Variants in TEAD1 observed in about 807,000 individuals in gnomAD.
TEAD1 encodes TEA domain transcription factor 1, also known as transcriptional enhancer factor TEF-1.
TEAD1 carries 9 observed loss-of-function variants against 54.9 expected under a neutral mutation model. The ratio of observed to expected loss-of-function variants is 0.16; its 90% CI spans 0.10 to 0.29. The LOEUF is 0.29. Ranked by LOEUF, TEAD1 falls within the 10% of genes least tolerant of loss-of-function variation. The probability of loss-of-function intolerance (pLI) is 1.00; values close to 1 mark genes in which losing one functional copy is unlikely to be tolerated. For missense variants in TEAD1, 387 were observed against 535.9 expected (o/e 0.72, Z 2.74); for synonymous variants, 200 against 187.8 (o/e 1.07, Z -0.53).
At chr11:12,771,145 G>A (rs11022497) in intron 3 of TEAD1, among the ~76,000 whole-genome samples, 13,079 of 152,280 alleles carry the variant, frequency 0.086, 746 homozygotes, top group South Asian at 0.19. Flanking sequence ...AAGGCATGGA[G>A]GCCTGGAAGG....
chr11:12,692,531 G>T (rs866754155), intron 2 of TEAD1, among the ~76,000 whole-genome samples: 1 of 151,786 alleles, frequency 6.6e-6, no homozygotes, highest in Non-Finnish European at 1.5e-5. Context: ...TTTTAAAGCC[G>T]CAAGCTTAAT....
chr11:12,762,693 C>G (rs778168898), intron 2 of TEAD1, among the ~76,000 whole-genome samples: 2 of 152,094 alleles, frequency 1.3e-5, no homozygotes, highest in Non-Finnish European at 2.9e-5. Flanking sequence ...AAAGTGCCCA[C>G]TAGTTATAGT....
chr11:12,860,899 A>G (rs1229562133), intron 3 of TEAD1, among the ~76,000 whole-genome samples: 1 of 152,230 alleles, frequency 6.6e-6, no homozygotes, highest in East Asian at 1.9e-4. Context: ...TCCCCAAGGG[A>G]GTGACATCCA....
Position 12,904,207 on chromosome 11 carries a change from A to G in TEAD1, c.873+2094A>G, listed in dbSNP as rs145081830. On this transcript the variant is annotated intron_variant, in intron 10 of 12. Transcript: ENST00000527636. ...CTGCTAAAATTCATGCAGTTGAAAA[A>G]AAAAGTCCTTCATGAATTTTATTAC... Among the ~76,000 whole-genome samples, 919 of 152,322 alleles carry G rather than the reference A, an allele frequency of 6.0e-3. 7 individuals are homozygous for G. The highest frequency in any genetic ancestry group is 8.4e-3 in the Non-Finnish European group (570 of 68,034).
intron 9 of TEAD1, among the ~76,000 whole-genome samples, chr11:12,895,708 G>A (rs1948302771): frequency 6.6e-6 from 1 of 152,194 alleles, no homozygotes; most frequent in South Asian, 2.1e-4. Context: ...GTGGCCCATA[G>A]GAAAAGCAGT....
At chr11:12,717,253 G>A (rs1944085226) in intron 2 of TEAD1, among the ~76,000 whole-genome samples, 1 of 152,234 alleles carries the variant, frequency 6.6e-6, no homozygotes, top group Admixed American at 6.5e-5. Context: ...ACAGTTGTGT[G>A]TGTGCTTGGT....
At chr11:12,834,677 G>T (rs1946848693) in intron 3 of TEAD1, among the ~76,000 whole-genome samples, 1 of 151,760 alleles carries the variant, frequency 6.6e-6, no homozygotes, top group Non-Finnish European at 1.5e-5. Flanking sequence ...GCCCAGGCTG[G>T]TCTTGAACTC....
chr11:12,798,135 C>T (rs1010345044), intron 3 of TEAD1, among the ~76,000 whole-genome samples: 1 of 152,174 alleles, frequency 6.6e-6, no homozygotes, highest in Non-Finnish European at 1.5e-5. Context: ...ATTGTTTTTA[C>T]CTTTCCCATA....
At chr11:12,690,267 TAAG>T (rs1216396429) in intron 2 of TEAD1, among the ~76,000 whole-genome samples, 3 of 147,430 alleles carry the variant, frequency 2.0e-5, no homozygotes, top group African/African-American at 5.0e-5. Flanking sequence ...AAAAAAATAA[TAAG>T]CCCTTAATGT....
chr11:12,915,712 C>T (rs146280820), intron 10 of TEAD1, among the ~76,000 whole-genome samples: 9 of 152,050 alleles, frequency 5.9e-5, no homozygotes, highest in African/African-American at 1.2e-4. Flanking sequence ...AGTGTGGTGG[C>T]GCACATCTGT....
rs572027335 is a variant in TEAD1 at position 12,903,943 on chromosome 11, T to C, written c.873+1830T>C. ...TCCTTTTCTGAATTGGTGGCTGCCT[T>C]CTAGTAATTTGGATGGTGGTTGGAG... On this transcript the variant is annotated intron_variant, in intron 10 of 12. Coordinates refer to ENST00000527636, the MANE Select transcript of TEAD1 (RefSeq NM_021961.6). 1.2e-4 allele frequency among the ~76,000 whole-genome samples: 18 copies of C among 152,338 alleles called. 1 individual carries two copies. The South Asian group carries it at 3.5e-3, about 30-fold the overall frequency.
chr11:12,722,345 C>T (rs571480937), intron 2 of TEAD1, among the ~76,000 whole-genome samples: 5 of 152,272 alleles, frequency 3.3e-5, no homozygotes, highest in African/African-American at 1.2e-4. Context: ...AAGACTCCTT[C>T]CTGAGTGCAC....
intron 9 of TEAD1, among the ~76,000 whole-genome samples, chr11:12,889,649 A>C (rs1425072925): frequency 6.6e-6 from 1 of 152,246 alleles, no homozygotes; most frequent in Non-Finnish European, 1.5e-5. Flanking sequence ...GAGAAGTTCC[A>C]TGATACAGTA....
Position 12,937,216 on chromosome 11 carries a change from G to T in TEAD1, c.1275G>T (p.Lys425Asn), listed in dbSNP as rs371447864. The T allele has an allele frequency of 2.5e-6, 4 of 1,607,912 alleles. No homozygotes were observed. Among genetic ancestry groups the T allele is most frequent in the Non-Finnish European group, 2.6e-6 (3 of 1,174,570 alleles). Residue 425 changes from lysine (K) to asparagine (N), a missense_variant, in exon 13 of 13, where the codon AAG becomes AAT. This residue lies in a region of TEAD1 where 123 missense variants were observed against 199.0 expected (regional missense o/e 0.62). Coordinates refer to ENST00000527636, the MANE Select transcript of TEAD1 (RefSeq NM_021961.6). ...AACATCATATTTACAGGCTTGTAAA[G>T]GACTGAACATGGTTATTTATATATA...
At chr11:12,768,628 G>T (rs1945254928) in intron 3 of TEAD1, among the ~76,000 whole-genome samples, 1 of 152,170 alleles carries the variant, frequency 6.6e-6, no homozygotes, top group Non-Finnish European at 1.5e-5. Context: ...CTTTTCTACT[G>T]AGCTTTTGTT....
intron 2 of TEAD1, among the ~76,000 whole-genome samples, chr11:12,722,944 T>G (rs1327193531): frequency 1.3e-5 from 2 of 152,040 alleles, no homozygotes; most frequent in South Asian, 2.1e-4. Flanking sequence ...CTGAATTTAC[T>G]TAACCATTCA....
At chr11:12,765,301 A>T (rs1945184992) in intron 3 of TEAD1, among the ~76,000 whole-genome samples, 1 of 152,218 alleles carries the variant, frequency 6.6e-6, no homozygotes, top group South Asian at 2.1e-4. Context: ...ACCTTTTGGG[A>T]AGCAGATGGC....
intron 9 of TEAD1, among the ~76,000 whole-genome samples, chr11:12,885,180 C>G (rs992174272): frequency 3.3e-5 from 5 of 151,726 alleles, no homozygotes; most frequent in African/African-American, 1.2e-4. Flanking sequence ...TTCATTGTAT[C>G]CTTTTCACTA....
intron 9 of TEAD1, among the ~76,000 whole-genome samples, chr11:12,885,163 C>A (rs1948060966): frequency 6.6e-6 from 1 of 151,514 alleles, no homozygotes; most frequent in Non-Finnish European, 1.5e-5. Context: ...GAGCCCAAAT[C>A]TTGTATTTCA....
Sources: gnomAD v4.1 joint callset for allele counts (sites outside exome capture counted in the v4.1 genomes callset) on GRCh38, gnomAD v4.1.1 for gene constraint, gnomAD v4.1.1 regional missense constraint, MANE v1.5 for transcripts, NCBI Gene and HGNC (gene_info 2026-07-23, HGNC 2026-07-21) for gene names.